The following TXLNB variants were observed in gnomAD, a reference collection of about 807,000 sequenced individuals.
The protein encoded by TXLNB is taxilin beta.
In TXLNB, 37 loss-of-function variants were observed where a neutral mutation model predicts 57.4. That is an observed-to-expected ratio of 0.64 (90% CI 0.50 to 0.85). The LOEUF is 0.85. TXLNB is among the 40% of genes least tolerant of loss of function. TXLNB has a pLI of 0.00. For missense variants in TXLNB, 848 were observed against 825.6 expected, an observed-to-expected ratio of 1.03 and a Z score of -0.33; for synonymous variants, 302 against 309.6, an observed-to-expected ratio of 0.98 and a Z score of 0.26.
chr6:139,212,393 A>G, the TXLNB span, among the ~76,000 whole-genome samples: 1 of 152,228 alleles, frequency 6.6e-6, no homozygotes, highest in East Asian at 1.9e-4. Context: ...TCATAAGTGA[A>G]GGAAAAATAA....
At chr6:139,290,664 C>T (rs2114648968) in intron 1 of TXLNB, among the ~76,000 whole-genome samples, 1 of 152,254 alleles carries the variant, frequency 6.6e-6, no homozygotes, top group Non-Finnish European at 1.5e-5. Context: ...GGGTTTCTGA[C>T]TATTACCACT....
chr6:139,203,429 A>G, the TXLNB span: 5 of 152,184 alleles, frequency 3.3e-5, no homozygotes, highest in African/African-American at 9.7e-5. Context: ...CCAATGTCCC[A>G]TAATTGCTAA....
chr6:139,260,615 C>T (rs1776456414), intron 5 of TXLNB, among the ~76,000 whole-genome samples, 178 bp from the exon 6 acceptor site: 1 of 152,120 alleles, frequency 6.6e-6, no homozygotes, highest in South Asian at 2.1e-4. Flanking sequence ...GTGAACCCCT[C>T]CCCCTGACTT....
chr6:139,180,855 C>G, the TXLNB span: 1 of 152,438 alleles, frequency 6.6e-6, no homozygotes, highest in Non-Finnish European at 1.5e-5. Context: ...GATTTTTGAG[C>G]AGTGGGATTG....
chr6:139,275,962 C>T (rs980202496), intron 3 of TXLNB, among the ~76,000 whole-genome samples: 1 of 152,190 alleles, frequency 6.6e-6, no homozygotes, highest in East Asian at 1.9e-4. Context: ...GTTGCATTCT[C>T]CTGTCACTGT....
the TXLNB span, chr6:139,183,410 A>C: frequency 6.6e-6 from 1 of 152,204 alleles, no homozygotes; most frequent in Non-Finnish European, 1.5e-5. Context: ...GTCTGAAGAG[A>C]TCGTTGCCAG....
the TXLNB span, chr6:139,166,327 G>C: frequency 6.2e-7 from 1 of 1,612,768 alleles, no homozygotes; most frequent in Non-Finnish European, 8.5e-7. Context: ...TCGGTAGGCC[G>C]GTGGACCTGG....
the TXLNB span, among the ~76,000 whole-genome samples, chr6:139,207,937 A>G: frequency 2.6e-5 from 4 of 152,280 alleles, no homozygotes; most frequent in Admixed American, 6.5e-5. Flanking sequence ...TTAGCTGGGC[A>G]TGGTGGTGCG....
chr6:139,231,025 CTACA>C, the TXLNB span, among the ~76,000 whole-genome samples: 1 of 152,146 alleles, frequency 6.6e-6, no homozygotes, highest in Admixed American at 6.6e-5. Flanking sequence ...TCATATAGAA[CTACA>C]TACATACAAT....
the TXLNB span, among the ~76,000 whole-genome samples, chr6:139,220,931 G>A: frequency 6.6e-6 from 1 of 152,180 alleles, no homozygotes; most frequent in African/African-American, 2.4e-5. Context: ...TGATGCTCAA[G>A]AGACAAGCTG....
the TXLNB span, among the ~76,000 whole-genome samples, chr6:139,314,604 C>A: frequency 6.6e-6 from 1 of 152,176 alleles, no homozygotes; most frequent in Non-Finnish European, 1.5e-5. Context: ...GAGACTGTGC[C>A]TTGGGCCTTG....
intron 2 of TXLNB, among the ~76,000 whole-genome samples, chr6:139,277,451 T>G (rs138912983): frequency 9.9e-5 from 15 of 152,278 alleles, no homozygotes; most frequent in Non-Finnish European, 2.2e-4. Context: ...GGTACTTCTT[T>G]TCCCTCTTTT....
At chr6:139,254,148 T>A (rs1054928640) in intron 7 of TXLNB, among the ~76,000 whole-genome samples, 35 of 152,240 alleles carry the variant, frequency 2.3e-4, no homozygotes, top group African/African-American at 8.0e-4. Context: ...CAGAGAGTAG[T>A]TCATACTGGA....
At chr6:139,181,147 A>G in the TXLNB span, among the ~76,000 whole-genome samples, 1 of 152,238 alleles carries the variant, frequency 6.6e-6, no homozygotes, top group African/African-American at 2.4e-5. Flanking sequence ...AACCACCCAT[A>G]GCCACATAGC....
At chr6:139,190,205 A>G in the TXLNB span, among the ~76,000 whole-genome samples, 17 of 152,194 alleles carry the variant, frequency 1.1e-4, no homozygotes, top group Non-Finnish European at 1.9e-4. Flanking sequence ...CGTAACTTAT[A>G]AACAACAGAA....
Position 139,241,081 on chromosome 6 carries a change from T to C in TXLNB, c.*1445A>G, listed in dbSNP as rs535702384. 1 of 152,336 alleles carries C rather than the reference T, an allele frequency of 6.6e-6. No individual in the cohort carries two copies. The highest frequency in any genetic ancestry group is 1.9e-4 in the East Asian group (1 of 5,184). The allele number at this position is 152,336 out of a possible 1,614,324, so 9.4% of individuals were successfully genotyped here. On this transcript the variant is annotated 3_prime_UTR_variant, in exon 10 of 10. Coordinates refer to ENST00000358430, the MANE Select transcript of TXLNB (RefSeq NM_153235.4). ...AGGTAATTTATGTTGTCAGTATCATTAGAGGTTCTCATCAAGCAATGTTAA... is the reference window on the plus strand; with the variant it reads ...AGGTAATTTATGTTGTCAGTATCATCAGAGGTTCTCATCAAGCAATGTTAA...
At chr6:139,216,788 T>C in the TXLNB span, among the ~76,000 whole-genome samples, 1 of 152,170 alleles carries the variant, frequency 6.6e-6, no homozygotes, top group South Asian at 2.1e-4. Context: ...CATCATATGT[T>C]CTCATTTATA....
chr6:139,232,144 C>G, the TXLNB span, among the ~76,000 whole-genome samples: 1 of 152,124 alleles, frequency 6.6e-6, no homozygotes, highest in South Asian at 2.1e-4. Context: ...ATGGCTGGGA[C>G]TGGACATGGG....
chr6:139,255,939 A>G (rs1303657128), intron 6 of TXLNB, among the ~76,000 whole-genome samples: 7 of 150,896 alleles, frequency 4.6e-5, no homozygotes, highest in African/African-American at 1.7e-4. Flanking sequence ...AAAATTAGTC[A>G]GGGGTGGTGG....
Sources: allele counts gnomAD v4.1 joint callset (sites outside exome capture counted in the v4.1 genomes callset), GRCh38; gene constraint gnomAD v4.1.1; transcripts MANE v1.5; gene names NCBI Gene and HGNC (gene_info 2026-07-23, HGNC 2026-07-21).